Variants in PARPBP observed in about 807,000 individuals in gnomAD.
PARPBP encodes PCNA-interacting partner.
PARPBP carries 52 observed loss-of-function variants against 50.0 expected under a neutral mutation model. The observed-to-expected ratio is 1.04, with a 90% CI of 0.83 to 1.31. The LOEUF is 1.31. PARPBP is among the 50% of genes most tolerant of loss of function. PARPBP has a pLI of 0.00. For synonymous variants in PARPBP, 244 were observed against 232.1 expected, an observed-to-expected ratio of 1.05 and a Z score of -0.47; for missense variants, 697 against 672.0, an observed-to-expected ratio of 1.04 and a Z score of -0.41.
chr12:102,126,120 GTTGCCTTTCAAAGGCT>G (rs1273205206), intron 2 of PARPBP, among the ~76,000 whole-genome samples: 1 of 152,224 alleles, frequency 6.6e-6, no homozygotes, highest in Non-Finnish European at 1.5e-5. Flanking sequence ...TATTAAGAGT[GTTGCCTTTCAAAGGCT>G]TTGGCTTTAT....
intron 7 of PARPBP, among the ~76,000 whole-genome samples, chr12:102,175,944 A>G (rs1453609677): frequency 6.6e-6 from 1 of 151,468 alleles, no homozygotes; most frequent in Non-Finnish European, 1.5e-5. Flanking sequence ...ATAATTCTTG[A>G]TGGATATTAA....
At position 102,139,410 on chromosome 12, in the gene PARPBP, C is replaced by T. The variant is rs538900987; in HGVS notation, c.154-8820C>T. ...GAGACGATGGGGTTTTCTAAATATA[C>T]AATAATGTCATCTGCAAACAGGGAC... is the stretch of plus-strand genomic sequence containing the variant. On this transcript the variant is annotated intron_variant, in intron 2 of 10. Coordinates refer to ENST00000327680, the MANE Select transcript of PARPBP (RefSeq NM_017915.5). Among the ~76,000 whole-genome samples the T allele has an allele frequency of 2.6e-5, 4 of 152,304 alleles. No homozygotes were observed. In the South Asian group the frequency reaches 8.3e-4, roughly 32 times the overall value.
intron 7 of PARPBP, among the ~76,000 whole-genome samples, chr12:102,176,463 A>G (rs1889293238): frequency 1.3e-5 from 2 of 152,124 alleles, no homozygotes; most frequent in Non-Finnish European, 2.9e-5. Flanking sequence ...TTCTACCTCC[A>G]TTACTAAAAC....
chr12:102,120,523 A>G, intron 1 of PARPBP: 1 of 456,534 alleles, frequency 2.2e-6, no homozygotes, highest in Non-Finnish European at 4.4e-6. Context: ...GCAGCTTGGA[A>G]GACAGGCCCG....
At chr12:102,146,733 A>G (rs1317796438) in intron 2 of PARPBP, among the ~76,000 whole-genome samples, 5 of 151,954 alleles carry the variant, frequency 3.3e-5, no homozygotes, top group Non-Finnish European at 2.9e-5. Flanking sequence ...TAATTAAACT[A>G]AAGAGCTTCT....
At chr12:102,144,380 A>T (rs1202372665) in intron 2 of PARPBP, among the ~76,000 whole-genome samples, 1 of 152,160 alleles carries the variant, frequency 6.6e-6, no homozygotes, top group African/African-American at 2.4e-5. Flanking sequence ...TCCTTCATAT[A>T]TTAGCCAGCT....
At position 102,151,609 on chromosome 12, in the gene PARPBP, C is replaced by G. The variant is rs1319328101; in HGVS notation, c.388-2260C>G. Reference sequence around the variant, plus strand: ...GCCACCTTCAGAAAGAGGAAGCTTGCTGCTGTCTAGGCCAGATCTCTTGGC... The same window carrying G: ...GCCACCTTCAGAAAGAGGAAGCTTGGTGCTGTCTAGGCCAGATCTCTTGGC... On this transcript the variant is annotated intron_variant, in intron 3 of 10. Transcript: ENST00000327680. 3.3e-6 allele frequency: 5 copies of G among 1,535,512 alleles called. No homozygotes were observed. In the African/African-American group the frequency reaches 6.8e-5, roughly 21 times the overall value.
chr12:102,193,822 T>C (rs1160919899), intron 9 of PARPBP, among the ~76,000 whole-genome samples: 1 of 152,088 alleles, frequency 6.6e-6, no homozygotes, highest in Non-Finnish European at 1.5e-5. Context: ...AAGTGTTGCA[T>C]TCATAGGGAT....
chr12:102,137,641 C>T (rs1883856657), intron 2 of PARPBP, among the ~76,000 whole-genome samples: 1 of 152,016 alleles, frequency 6.6e-6, no homozygotes, highest in Admixed American at 6.6e-5. Context: ...TCTCCTAATG[C>T]TATCCCTCCC....
chr12:102,144,893 A>G (rs532934074), intron 2 of PARPBP, among the ~76,000 whole-genome samples: 1 of 152,146 alleles, frequency 6.6e-6, no homozygotes, highest in Non-Finnish European at 1.5e-5. Context: ...TGGAGAATAG[A>G]TCCAATGTTT....
chr12:102,134,143 C>T (rs1359218848), intron 2 of PARPBP, among the ~76,000 whole-genome samples: 1 of 139,670 alleles, frequency 7.2e-6, no homozygotes, highest in Non-Finnish European at 1.6e-5. Context: ...ACTAAAAAAA[C>T]AATAGCAAAG....
intron 2 of PARPBP, among the ~76,000 whole-genome samples, chr12:102,139,282 CTCTG>C (rs1265926088): frequency 1.3e-5 from 2 of 151,968 alleles, no homozygotes; most frequent in African/African-American, 2.4e-5. Context: ...TGATTTGGCT[CTCTG>C]TCTGTGATTG....
chr12:102,142,054 TCTC>T (rs1286161629), intron 2 of PARPBP, among the ~76,000 whole-genome samples: 2 of 152,160 alleles, frequency 1.3e-5, no homozygotes, highest in African/African-American at 4.8e-5. Context: ...TTGGGGAAGT[TCTC>T]CTGGATAATA....
chr12:102,193,794 A>T (rs1188298308), intron 9 of PARPBP, among the ~76,000 whole-genome samples: 3 of 152,054 alleles, frequency 2.0e-5, no homozygotes, highest in African/African-American at 7.2e-5. Flanking sequence ...GGGCATCTTG[A>T]GGTAGAAGCT....
intron 6 of PARPBP, among the ~76,000 whole-genome samples, chr12:102,171,335 A>G (rs1355883877): frequency 1.3e-5 from 2 of 152,130 alleles, no homozygotes; most frequent in Admixed American, 6.5e-5. Flanking sequence ...CATCACCACA[A>G]ACATGTGAGT....
intron 3 of PARPBP, chr12:102,151,747 A>G (rs1886236424): frequency 6.5e-7 from 1 of 1,535,546 alleles, no homozygotes; most frequent in Admixed American, 2.0e-5. Context: ...GATTCCCATC[A>G]CGGTCCAGAA....
At chr12:102,149,604 A>T (rs138795390) in intron 3 of PARPBP, among the ~76,000 whole-genome samples, 1 of 152,230 alleles carries the variant, frequency 6.6e-6, no homozygotes, top group Non-Finnish European at 1.5e-5. Context: ...CATGGCCACA[A>T]CAAGCTGCAA....
intron 9 of PARPBP, among the ~76,000 whole-genome samples, chr12:102,187,402 A>G (rs540788382): frequency 1.1e-4 from 17 of 152,242 alleles, no homozygotes; most frequent in Non-Finnish European, 2.1e-4. Flanking sequence ...GCAATGGAAG[A>G]GGAATATAGA....
intron 2 of PARPBP, among the ~76,000 whole-genome samples, chr12:102,138,621 G>A (rs1173102404): frequency 1.3e-5 from 2 of 152,120 alleles, no homozygotes; most frequent in Admixed American, 6.5e-5. Context: ...ATGGTTTTAG[G>A]TCTAACATTC....
Sources: gnomAD v4.1 joint callset for allele counts (sites outside exome capture counted in the v4.1 genomes callset) on GRCh38, gnomAD v4.1.1 for gene constraint, MANE v1.5 for transcripts, NCBI Gene and HGNC (gene_info 2026-07-23, HGNC 2026-07-21) for gene names.